Variants in LRRC4C observed in about 807,000 individuals in gnomAD.
LRRC4C encodes leucine rich repeat containing 4C.
LRRC4C carries 5 observed loss-of-function variants against 33.6 expected under a neutral mutation model. The observed-to-expected ratio is 0.15, with a 90% CI of 0.08 to 0.31. The LOEUF is 0.31. Among genes scored for constraint, LRRC4C ranks in the 10% least tolerant of loss-of-function variants. The probability of loss-of-function intolerance (pLI) is 1.00; values close to 1 mark genes in which losing one functional copy is unlikely to be tolerated. For missense variants in LRRC4C, 560 were observed against 796.7 expected, an observed-to-expected ratio of 0.70 and a Z score of 3.58; for synonymous variants, 329 against 302.0, an observed-to-expected ratio of 1.09 and a Z score of -0.93.
chr11:40,492,422 T>C (rs1045138866), intron 3 of LRRC4C, among the ~76,000 whole-genome samples: 3 of 152,186 alleles, frequency 2.0e-5, no homozygotes, highest in Non-Finnish European at 4.4e-5. Flanking sequence ...AATTTTTAAA[T>C]AGTTTTGGAG....
intron 1 of LRRC4C, among the ~76,000 whole-genome samples, chr11:41,379,529 T>C (rs1479807163): frequency 6.6e-6 from 1 of 152,170 alleles, no homozygotes; most frequent in Non-Finnish European, 1.5e-5. Context: ...ATAAGTATTT[T>C]ATATAAATAA....
intron 6 of LRRC4C, among the ~76,000 whole-genome samples, chr11:40,127,592 G>A (rs558622096): frequency 2.6e-5 from 4 of 152,168 alleles, no homozygotes; most frequent in Non-Finnish European, 5.9e-5. Flanking sequence ...GTTTTGGAAA[G>A]TTTCTGCTCT....
chr11:41,406,538 A>G (rs983350640), intron 1 of LRRC4C, among the ~76,000 whole-genome samples: 1 of 152,018 alleles, frequency 6.6e-6, no homozygotes, highest in African/African-American at 2.4e-5. Flanking sequence ...AATCTGAAGA[A>G]TTTCCACCTC....
rs547662359 is a variant in LRRC4C at position 40,659,874 on chromosome 11, T to C, written c.-406-11596A>G. 5.3e-5 allele frequency among the ~76,000 whole-genome samples: 8 copies of C among 152,322 alleles called. No homozygotes were observed. The South Asian group carries it at 1.7e-3, about 32-fold the overall frequency. On this transcript the variant is annotated intron_variant, in intron 2 of 6. Coordinates refer to ENST00000528697, the MANE Select transcript of LRRC4C (RefSeq NM_001258419.2). ...CCAGTTGTCCATGTACCTCATTCTT[T>C]ATGGATGTGGGACAAGTACTCAGGA...
rs190846860 is a variant in LRRC4C, at chr11:41,104,527, G to C, written c.-495-170804C>G. Among the ~76,000 whole-genome samples the C allele has an allele frequency of 2.4e-3, 363 of 151,978 alleles. 2 individuals are homozygous for C. The highest frequency in any genetic ancestry group is 7.8e-3 in the African/African-American group (323 of 41,548). On this transcript the variant is annotated intron_variant, in intron 1 of 6. Coordinates refer to ENST00000528697, the MANE Select transcript of LRRC4C (RefSeq NM_001258419.2). The stretch of plus-strand genomic sequence containing the variant: ...ATACTGCAGGTGGGAAAATGAGATC[G>C]TACAATCACATTGGCAAACAGTTCA...
intron 3 of LRRC4C, among the ~76,000 whole-genome samples, chr11:40,398,164 G>T (rs1334850010): frequency 6.6e-6 from 1 of 151,998 alleles, no homozygotes; most frequent in Admixed American, 6.6e-5. Context: ...AGATGACTAT[G>T]ATAGCTTGTT....
chr11:40,786,120 A>G (rs1043442861), intron 2 of LRRC4C, among the ~76,000 whole-genome samples: 2 of 152,318 alleles, frequency 1.3e-5, no homozygotes, highest in African/African-American at 4.8e-5. Flanking sequence ...GGAAGCTTCT[A>G]TGCTTTCAGC....
chr11:40,460,378 C>G (rs562506969), intron 3 of LRRC4C, among the ~76,000 whole-genome samples: 2 of 151,534 alleles, frequency 1.3e-5, no homozygotes, highest in East Asian at 3.9e-4. Context: ...AAAAAAATAG[C>G]TAAAAAACAA....
At chr11:41,394,199 A>G (rs941237155) in intron 1 of LRRC4C, among the ~76,000 whole-genome samples, 1 of 151,926 alleles carries the variant, frequency 6.6e-6, no homozygotes, top group Non-Finnish European at 1.5e-5. Context: ...TGTGGATTAG[A>G]GTGAAGAGGC....
chr11:40,701,775 T>A (rs1327527464), intron 2 of LRRC4C, among the ~76,000 whole-genome samples: 2 of 151,482 alleles, frequency 1.3e-5, no homozygotes, highest in African/African-American at 4.8e-5. Flanking sequence ...CATAATAGAG[T>A]CACCCTATTT....
At chr11:41,396,781 G>A (rs553624096) in intron 1 of LRRC4C, among the ~76,000 whole-genome samples, 3 of 151,938 alleles carry the variant, frequency 2.0e-5, no homozygotes, top group Non-Finnish European at 4.4e-5. Context: ...AAACAGGCAC[G>A]GGCAAAGATT....
chr11:40,365,821 T>C (rs922999705), intron 3 of LRRC4C, among the ~76,000 whole-genome samples: 1 of 152,058 alleles, frequency 6.6e-6, no homozygotes, highest in African/African-American at 2.4e-5. Flanking sequence ...GTATGAGGGA[T>C]AGACCTATCT....
intron 3 of LRRC4C, among the ~76,000 whole-genome samples, chr11:40,366,358 G>A (rs957896157): frequency 2.0e-5 from 3 of 152,020 alleles, no homozygotes; most frequent in South Asian, 2.1e-4. Flanking sequence ...ACAGGCTTAA[G>A]TTTCTGGAGA....
At chr11:41,332,789 G>A (rs1328414317) in intron 1 of LRRC4C, among the ~76,000 whole-genome samples, 1 of 152,106 alleles carries the variant, frequency 6.6e-6, no homozygotes, top group Non-Finnish European at 1.5e-5. Flanking sequence ...CCTCATTCTT[G>A]CATCTTTAGC....
At chr11:41,067,800 T>A (rs1380722877) in intron 1 of LRRC4C, among the ~76,000 whole-genome samples, 1 of 152,178 alleles carries the variant, frequency 6.6e-6, no homozygotes, top group Non-Finnish European at 1.5e-5. Flanking sequence ...TGCTCCTGAA[T>A]GACTTGGGGG....
intron 4 of LRRC4C, among the ~76,000 whole-genome samples, chr11:40,301,067 A>G (rs1036774650): frequency 6.6e-6 from 1 of 152,196 alleles, no homozygotes; most frequent in African/African-American, 2.4e-5. Flanking sequence ...ATCAATCACT[A>G]AAGAAGCTTG....
intron 3 of LRRC4C, among the ~76,000 whole-genome samples, chr11:40,465,725 T>C (rs371500345): frequency 1.3e-5 from 2 of 151,792 alleles, no homozygotes; most frequent in South Asian, 2.1e-4. Context: ...ACCAGAGAAG[T>C]GCAAATTAAA....
chr11:40,710,604 C>T lies in LRRC4C; in HGVS notation c.-406-62326G>A, dbSNP rs118136378. 8.2e-4 allele frequency among the ~76,000 whole-genome samples: 125 copies of T among 152,286 alleles called. 1 individual carries two copies. In the East Asian group the frequency reaches 0.013, roughly 15 times the overall value. On this transcript the variant is annotated intron_variant, in intron 2 of 6. Transcript: ENST00000528697. Reference sequence around the variant, plus strand: ...GGAAGCTTAGTCTCAGAGGGGCACCCGGCTGTTTGAGGTGTCTGTTGGCCC... The same window carrying T: ...GGAAGCTTAGTCTCAGAGGGGCACCTGGCTGTTTGAGGTGTCTGTTGGCCC...
chr11:40,658,892 G>T (rs559908440), intron 2 of LRRC4C, among the ~76,000 whole-genome samples: 1 of 152,348 alleles, frequency 6.6e-6, no homozygotes, highest in African/African-American at 2.4e-5. Flanking sequence ...CCACTGTGGG[G>T]ATGCCGGCTG....
Sources: gnomAD v4.1 joint callset for allele counts (sites outside exome capture counted in the v4.1 genomes callset) on GRCh38, gnomAD v4.1.1 for gene constraint, MANE v1.5 for transcripts, NCBI Gene and HGNC (gene_info 2026-07-23, HGNC 2026-07-21) for gene names.